Variants in MMP26 observed in about 807,000 individuals in gnomAD.
MMP26 encodes matrix metallopeptidase 26, also known as matrix metalloproteinase-26.
A neutral mutation model predicts 31.0 loss-of-function variants in MMP26; 33 were observed. The observed-to-expected ratio is 1.06, with a 90% CI of 0.81 to 1.42. The LOEUF is 1.42. Ranked by LOEUF, MMP26 falls within the 40% of genes most tolerant of loss-of-function variation. The pLI, the probability that MMP26 is intolerant of heterozygous loss-of-function variation, is 0.00. For synonymous variants in MMP26, 122 were observed against 114.9 expected (o/e 1.06, Z -0.40); for missense variants, 347 against 316.1 (o/e 1.10, Z -0.74).
At chr11:4,741,784 A>AAAC (rs200822796) in intron 1 of MMP26, among the ~76,000 whole-genome samples, 26 of 152,196 alleles carry the variant, frequency 1.7e-4, no homozygotes, top group East Asian at 3.9e-4. Context: ...ATAGAAATTA[A>AAAC]AACAACAACA....
chr11:4,817,847 G>A (rs1269409419), intron 2 of MMP26, among the ~76,000 whole-genome samples: 1 of 152,114 alleles, frequency 6.6e-6, no homozygotes, highest in East Asian at 1.9e-4. Flanking sequence ...GAGAAGGCCA[G>A]GTCCAAGAGC....
At chr11:4,930,740 G>T (rs966600732) in intron 2 of MMP26, among the ~76,000 whole-genome samples, 6 of 151,968 alleles carry the variant, frequency 3.9e-5, no homozygotes, top group African/African-American at 1.4e-4. Flanking sequence ...CAGGGATCTA[G>T]ATTGCTTAAC....
At chr11:4,942,623 G>T (rs1846230864) in intron 2 of MMP26, among the ~76,000 whole-genome samples, 1 of 151,668 alleles carries the variant, frequency 6.6e-6, no homozygotes, top group South Asian at 2.1e-4. Context: ...TTTTTGCTTT[G>T]GTTGCAATAA....
At chr11:4,906,823 G>T (rs993934796) in intron 2 of MMP26, among the ~76,000 whole-genome samples, 2 of 152,064 alleles carry the variant, frequency 1.3e-5, no homozygotes, top group African/African-American at 2.4e-5. Context: ...AGATGCAGTG[G>T]CTCACACCTG....
At chr11:4,974,785 C>T (rs1051856975) in intron 2 of MMP26, among the ~76,000 whole-genome samples, 4 of 152,134 alleles carry the variant, frequency 2.6e-5, no homozygotes, top group Non-Finnish European at 4.4e-5. Flanking sequence ...ATAAAAGGAA[C>T]GACATCATGT....
chr11:4,919,606 A>T (rs1851151725), intron 2 of MMP26, among the ~76,000 whole-genome samples: 1 of 152,134 alleles, frequency 6.6e-6, no homozygotes, highest in African/African-American at 2.4e-5. Context: ...TTTTGAACCA[A>T]CGCCACAACT....
chr11:4,752,624 C>T (rs564593320), intron 1 of MMP26: 2 of 152,338 alleles, frequency 1.3e-5, no homozygotes, highest in East Asian at 1.9e-4. Context: ...GATCAAAGGC[C>T]ATAGCCAGGA....
rs552897949 is a variant in MMP26 at position 4,717,717 on chromosome 11, T to C, written c.-217+12672T>C. 1.6e-4 allele frequency among the ~76,000 whole-genome samples: 24 copies of C among 152,314 alleles called. 2 individuals carry two copies. The highest frequency in any genetic ancestry group is 5.8e-4 in the African/African-American group (24 of 41,574). On this transcript the variant is annotated intron_variant, in intron 1 of 7. Transcript: ENST00000380390. ...CTGCTGAGATTTTCACATACGTTAATCTTCACAACAGTCCTGTGGATATGC... is the reference window on the plus strand; with the variant it reads ...CTGCTGAGATTTTCACATACGTTAACCTTCACAACAGTCCTGTGGATATGC...
intron 2 of MMP26, among the ~76,000 whole-genome samples, chr11:4,900,977 G>GT (rs529411232): frequency 1.4e-3 from 210 of 152,160 alleles, no homozygotes; most frequent in Middle Eastern, 0.01. Context: ...CACATCTACA[G>GT]TTCATTTTTG....
At chr11:4,938,571 G>T (rs1317599641) in intron 2 of MMP26, among the ~76,000 whole-genome samples, 20 of 152,004 alleles carry the variant, frequency 1.3e-4, no homozygotes, top group Non-Finnish European at 2.9e-4. Flanking sequence ...AACAACTTAG[G>T]CTTTGCGCAC....
At chr11:4,941,263 G>C (rs1846202144) in intron 2 of MMP26, among the ~76,000 whole-genome samples, 1 of 152,118 alleles carries the variant, frequency 6.6e-6, no homozygotes, top group African/African-American at 2.4e-5. Flanking sequence ...AACAAACCAT[G>C]GGCCAGCAAC....
At chr11:4,922,393 TAA>T (rs1851198821) in intron 2 of MMP26, among the ~76,000 whole-genome samples, 1 of 149,370 alleles carries the variant, frequency 6.7e-6, no homozygotes, top group African/African-American at 2.5e-5. Context: ...CATGAATATA[TAA>T]AGAGTTACTA....
chr11:4,911,756 A>G (rs937790851), intron 2 of MMP26, among the ~76,000 whole-genome samples: 1 of 152,120 alleles, frequency 6.6e-6, no homozygotes, highest in East Asian at 1.9e-4. Context: ...CTCTCAACCC[A>G]TTACCCCACT....
chr11:4,821,372 A>G (rs1318118885), intron 2 of MMP26: 1 of 1,593,190 alleles, frequency 6.3e-7, no homozygotes, highest in South Asian at 1.1e-5. Context: ...ACTATGTATT[A>G]TGTGTTATGT....
At chr11:4,777,316 A>G (rs776105827) in intron 2 of MMP26, among the ~76,000 whole-genome samples, 5 of 152,196 alleles carry the variant, frequency 3.3e-5, no homozygotes, top group Non-Finnish European at 5.9e-5. Flanking sequence ...CTTTATATAG[A>G]TAATGAGTAT....
chr11:4,959,453 T>C (rs1846491187), intron 2 of MMP26, among the ~76,000 whole-genome samples: 1 of 152,002 alleles, frequency 6.6e-6, no homozygotes, highest in Admixed American at 6.6e-5. Flanking sequence ...ATCTTCCAAG[T>C]CAACTCTCTT....
intron 1 of MMP26, among the ~76,000 whole-genome samples, chr11:4,725,967 G>T (rs926931545): frequency 6.6e-6 from 1 of 152,158 alleles, no homozygotes; most frequent in Non-Finnish European, 1.5e-5. Context: ...AGGGCTGTCT[G>T]CAGGCACAGT....
At chr11:4,932,019 G>T (rs1419518951) in intron 2 of MMP26, among the ~76,000 whole-genome samples, 1 of 152,100 alleles carries the variant, frequency 6.6e-6, no homozygotes, top group South Asian at 2.1e-4. Context: ...CAACAAGAAT[G>T]CAAAGTAACG....
chr11:4,874,624 G>T (rs112434401), intron 2 of MMP26, among the ~76,000 whole-genome samples: 1 of 151,624 alleles, frequency 6.6e-6, no homozygotes, highest in Non-Finnish European at 1.5e-5. Context: ...GAGATTCTCA[G>T]AAGGGTTATG....
Sources: allele counts gnomAD v4.1 joint callset (sites outside exome capture counted in the v4.1 genomes callset), GRCh38; gene constraint gnomAD v4.1.1; transcripts MANE v1.5; gene names NCBI Gene and HGNC (gene_info 2026-07-23, HGNC 2026-07-21).